RASGRF2: variants seen among roughly 807,000 people sequenced by gnomAD.
RASGRF2 encodes the protein Ras protein specific guanine nucleotide releasing factor 2.
A neutral mutation model predicts 151.0 loss-of-function variants in RASGRF2; 76 were observed. The observed-to-expected ratio is 0.50, with a 90% CI of 0.42 to 0.61. The LOEUF (loss-of-function observed/expected upper bound fraction) is 0.61, where lower values mean the gene tolerates loss of function less well. Ranked by LOEUF, RASGRF2 falls within the 20% of genes least tolerant of loss-of-function variation. The probability of loss-of-function intolerance (pLI) is 0.00; values close to 1 mark genes in which losing one functional copy is unlikely to be tolerated. For synonymous variants in RASGRF2, 504 were observed against 566.5 expected (o/e 0.89, Z 1.57); for missense variants, 1,148 against 1,564.6 (o/e 0.73, Z 4.49).
At chr5:81,214,332 G>A (rs1457401333) in intron 23 of RASGRF2, among the ~76,000 whole-genome samples, 4 of 152,226 alleles carry the variant, frequency 2.6e-5, no homozygotes, top group Non-Finnish European at 5.9e-5. Context: ...CCCCCAGAGA[G>A]GCTGTCTCTA....
intron 1 of RASGRF2, among the ~76,000 whole-genome samples, chr5:81,041,301 CAA>C (rs34567203): frequency 0.096 from 10,848 of 112,534 alleles, 508 homozygotes; most frequent in East Asian, 0.21. Context: ...GACTCCGTCT[CAA>C]AAAAAAAAAA....
chr5:81,084,156 G>A (rs1752162240), intron 7 of RASGRF2, among the ~76,000 whole-genome samples: 1 of 152,186 alleles, frequency 6.6e-6, no homozygotes, highest in South Asian at 2.1e-4. Context: ...TTTAAGTAAT[G>A]AGGAAGGATC....
At chr5:81,167,606 G>T (rs113773263) in intron 17 of RASGRF2, among the ~76,000 whole-genome samples, 2,630 of 152,270 alleles carry the variant, frequency 0.017, 79 homozygotes, top group African/African-American at 0.06. Flanking sequence ...TTCCAACGCA[G>T]GGCACAGAAT....
chr5:81,002,214 G>A lies in RASGRF2; in HGVS notation c.289-40663G>A, dbSNP rs996589530. Among the ~76,000 whole-genome samples the A allele has an allele frequency of 2.0e-5, 3 of 152,288 alleles. 1 individual carries two copies. Among genetic ancestry groups the A allele is most frequent in the Admixed American group, 2.0e-4 (3 of 15,306 alleles). ...TTTAACATCCATTCCCATTTATAGA[G>A]GGAGTAGTTATCTAAGCTGTCAACT... On this transcript the variant is annotated intron_variant, in intron 1 of 26. Coordinates refer to ENST00000265080, the MANE Select transcript of RASGRF2 (RefSeq NM_006909.3).
intron 1 of RASGRF2, among the ~76,000 whole-genome samples, chr5:81,041,856 A>G (rs531838756): frequency 6.6e-6 from 1 of 152,282 alleles, no homozygotes; most frequent in South Asian, 2.1e-4. Context: ...CTTTGTGGTC[A>G]CACACTCCCA....
intron 1 of RASGRF2, among the ~76,000 whole-genome samples, chr5:81,030,129 G>A (rs1463984257): frequency 6.6e-6 from 1 of 152,188 alleles, no homozygotes. Context: ...AACAAACAAA[G>A]CCTTCAAGAA....
At chr5:81,148,925 T>G (rs1484243868) in intron 17 of RASGRF2, among the ~76,000 whole-genome samples, 1 of 152,118 alleles carries the variant, frequency 6.6e-6, no homozygotes, top group African/African-American at 2.4e-5. Flanking sequence ...ACCTGATAAT[T>G]AGTGATAATG....
At chr5:81,223,161 A>G (rs964768894) in intron 26 of RASGRF2, among the ~76,000 whole-genome samples, 1 of 152,234 alleles carries the variant, frequency 6.6e-6, no homozygotes, top group Non-Finnish European at 1.5e-5. Flanking sequence ...CCTCAAATTA[A>G]TCTATAAATT....
chr5:81,155,663 T>C (rs1002410425), intron 17 of RASGRF2, among the ~76,000 whole-genome samples: 14 of 152,162 alleles, frequency 9.2e-5, no homozygotes, highest in Admixed American at 2.0e-4. Context: ...CATCCTGATA[T>C]AGAAGCTGGT....
At chr5:81,201,484 T>TA in intron 19 of RASGRF2, 42 bp downstream of exon 19, 1 of 1,580,876 alleles carries the variant, frequency 6.3e-7, no homozygotes, top group Non-Finnish European at 8.6e-7. Flanking sequence ...CATTGGTTGA[T>TA]TCCTGCTATG....
At position 81,092,827 on chromosome 5, in the gene RASGRF2, G is replaced by T. The variant is rs1342824377; in HGVS notation, c.1417G>T (p.Glu473Ter). 6.2e-7 allele frequency: 1 copy of T among 1,613,522 alleles called. No homozygotes were observed. Among genetic ancestry groups the T allele is most frequent in the Admixed American group, 1.7e-5 (1 of 59,962 alleles). Residue 473 changes from glutamate (E) to a stop codon, truncating the protein, a stop_gained, in exon 10 of 27, where the codon GAG becomes TAG. Transcript: ENST00000265080. LOFTEE classifies it high-confidence loss of function. ...QGSLIQVPSVERGKLSKVRLG... is the reference protein window; with the variant it reads ...QGSLIQVPSV ...TTCTCTTATTCAAGTACCTTCCGTT[G>T]AGAGGGGGAAACTTAGTAAAGTTCG...
At chr5:81,018,786 G>A (rs1172279337) in intron 1 of RASGRF2, among the ~76,000 whole-genome samples, 1 of 148,616 alleles carries the variant, frequency 6.7e-6, no homozygotes, top group African/African-American at 2.5e-5. Context: ...TTGCTGTCTG[G>A]TTTTGTCCAT....
In RASGRF2 at chr5:81,113,595, T is replaced by C. The variant is rs760231046; in HGVS notation, c.2145T>C (p.Asp715=). The part of the protein sequence containing the change: ...SQNNRGEHLV[D]GKSPRLCRKF... ...ACAACAGAGGTGAACATTTGGTGGA[T>C]GGCAAATCCCCACGTCTGTGTCGCA... Residue 715 remains aspartate, a synonymous_variant, in exon 15 of 27, where the codon GAT becomes GAC. Transcript: ENST00000265080. 1.1e-5 allele frequency: 18 copies of C among 1,608,282 alleles called. No homozygotes were observed. In the East Asian group the frequency reaches 4.0e-4, roughly 36 times the overall value.
intron 12 of RASGRF2, among the ~76,000 whole-genome samples, chr5:81,099,179 A>C (rs1231748238): frequency 6.6e-6 from 1 of 152,218 alleles, no homozygotes; most frequent in Non-Finnish European, 1.5e-5. Flanking sequence ...AAGTCTCCAC[A>C]ATCTTGCCAT....
At chr5:81,141,472 TG>T (rs1211852513) in intron 17 of RASGRF2, among the ~76,000 whole-genome samples, 1 of 152,124 alleles carries the variant, frequency 6.6e-6, no homozygotes, top group Non-Finnish European at 1.5e-5. Flanking sequence ...TCTGGAGTGG[TG>T]AAGGGTCTTG....
chr5:81,126,183 C>T (rs1753448208), intron 16 of RASGRF2, among the ~76,000 whole-genome samples: 1 of 152,220 alleles, frequency 6.6e-6, no homozygotes, highest in Admixed American at 6.5e-5. Flanking sequence ...TTGGCACCAG[C>T]ACTGCCAAAC....
chr5:80,990,110 C>T (rs896355724), intron 1 of RASGRF2, among the ~76,000 whole-genome samples: 1 of 152,066 alleles, frequency 6.6e-6, no homozygotes, highest in Non-Finnish European at 1.5e-5. Flanking sequence ...GAGCTGTGTC[C>T]CCTGGAGAAA....
intron 19 of RASGRF2, among the ~76,000 whole-genome samples, chr5:81,202,270 G>A (rs1277163416): frequency 1.3e-5 from 2 of 152,102 alleles, no homozygotes; most frequent in Admixed American, 6.5e-5. Context: ...CCAGGGTCTG[G>A]TACTTCTTTA....
intron 7 of RASGRF2, among the ~76,000 whole-genome samples, chr5:81,082,887 C>G (rs1275832020): frequency 1.3e-5 from 2 of 152,190 alleles, no homozygotes; most frequent in African/African-American, 4.8e-5. Context: ...GCTTGCTTCC[C>G]CATAACTATT....
Sources: allele counts gnomAD v4.1 joint callset (sites outside exome capture counted in the v4.1 genomes callset), GRCh38; gene constraint gnomAD v4.1.1; transcripts MANE v1.5; gene names NCBI Gene and HGNC (gene_info 2026-07-23, HGNC 2026-07-21).